USP9X: variants seen among roughly 807,000 people sequenced by gnomAD.
USP9X encodes the protein ubiquitin carboxyl-terminal hydrolase 9X.
USP9X carries 7 observed loss-of-function variants against 190.3 expected under a neutral mutation model. The observed-to-expected ratio is 0.04, with a 90% CI of 0.02 to 0.07. USP9X has a LOEUF of 0.07. Among genes scored for constraint, USP9X ranks in the 10% least tolerant of loss-of-function variants. USP9X has a pLI of 1.00. For missense variants in USP9X, 1,010 were observed against 1,916.9 expected, an observed-to-expected ratio of 0.53 and a Z score of 8.83; for synonymous variants, 645 against 659.5, an observed-to-expected ratio of 0.98 and a Z score of 0.34.
intron 12 of USP9X, among the ~76,000 whole-genome samples, chrX:41,150,245 A>G (rs1372487382): frequency 1.8e-5 from 2 of 111,528 alleles, no homozygotes; most frequent in Admixed American, 9.5e-5. Context: ...TAGGCACACA[A>G]ACTTGCAGTT....
intron 1 of USP9X, among the ~76,000 whole-genome samples, chrX:41,096,085 G>A (rs938167265): frequency 2.7e-5 from 3 of 112,044 alleles, no homozygotes; most frequent in Non-Finnish European, 3.8e-5. Context: ...GCTGCTGTCT[G>A]TTGAGGTCTG....
At chrX:41,140,419 T>TA (rs1274137129) in intron 6 of USP9X, among the ~76,000 whole-genome samples, 1 of 111,546 alleles carries the variant, frequency 9.0e-6, no homozygotes, top group Non-Finnish European at 1.9e-5. Flanking sequence ...GTTCACCACT[T>TA]ACATTGGTAC....
At chrX:41,155,571 C>T (rs1430032535) in intron 14 of USP9X, among the ~76,000 whole-genome samples, 4 of 111,487 alleles carry the variant, frequency 3.6e-5, no homozygotes, top group Admixed American at 9.5e-5. Context: ...TACTTCTTCC[C>T]GGTCTTTTCC....
At chrX:41,173,190 G>T (rs1311108076) in intron 21 of USP9X, among the ~76,000 whole-genome samples, 1 of 111,045 alleles carries the variant, frequency 9.0e-6, no homozygotes, top group Non-Finnish European at 1.9e-5. Context: ...CAGCTCTTCT[G>T]TTGGCTTTTC....
chrX:41,127,815 G>A (rs2062269466), intron 2 of USP9X, among the ~76,000 whole-genome samples: 1 of 112,438 alleles, frequency 8.9e-6, no homozygotes, highest in South Asian at 3.6e-4. Context: ...TGTTAAATAG[G>A]TGCTTGAATG....
chrX:41,190,133 C>T (rs1276077140), intron 26 of USP9X, among the ~76,000 whole-genome samples: 1 of 112,180 alleles, frequency 8.9e-6, no homozygotes, highest in Non-Finnish European at 1.9e-5. Flanking sequence ...TGAAAAGACA[C>T]AGAAAATGTT....
chrX:41,163,517 C>G (rs775635580), intron 15 of USP9X, among the ~76,000 whole-genome samples: 1 of 110,248 alleles, frequency 9.1e-6, no homozygotes, highest in South Asian at 3.9e-4. Context: ...TTGGGGAGGC[C>G]AAGGCAAGTG....
chrX:41,200,270 T>C (rs1482263416), intron 30 of USP9X, among the ~76,000 whole-genome samples: 1 of 111,521 alleles, frequency 9.0e-6, no homozygotes, highest in Admixed American at 9.5e-5. Flanking sequence ...TGGAGTATAG[T>C]ACAACGTTGT....
intron 1 of USP9X, among the ~76,000 whole-genome samples, chrX:41,116,997 T>C (rs1417115375): frequency 1.8e-5 from 2 of 111,719 alleles, no homozygotes; most frequent in Non-Finnish European, 3.8e-5. Context: ...CAAATTCTTA[T>C]GTGGTAGTAG....
intron 21 of USP9X, among the ~76,000 whole-genome samples, chrX:41,175,028 T>C (rs1288306872): frequency 8.9e-6 from 1 of 112,062 alleles, no homozygotes; most frequent in Non-Finnish European, 1.9e-5. Flanking sequence ...AAAATATTTA[T>C]ACTGTTCCTC....
chrX:41,106,887 C>CTTTTTTTTTTTTTT (rs60809399), intron 1 of USP9X, among the ~76,000 whole-genome samples: 3 of 79,972 alleles, frequency 3.8e-5, no homozygotes, highest in Non-Finnish European at 7.5e-5. Flanking sequence ...CTTTTCTTTT[C>CTTTTTTTTTTTTTT]TTTTTTTTTT....
intron 14 of USP9X, among the ~76,000 whole-genome samples, chrX:41,162,181 C>T (rs1381124132): frequency 1.8e-5 from 2 of 111,659 alleles, no homozygotes; most frequent in East Asian, 5.6e-4. Flanking sequence ...AAAGAGCTTA[C>T]ATAATTAGAA....
chrX:41,170,551 C>T lies in USP9X; in HGVS notation c.2959C>T (p.Pro987Ser). 1.7e-6 allele frequency: 2 copies of T among 1,211,501 alleles called. No homozygotes were observed. Among genetic ancestry groups the T allele is most frequent in the Non-Finnish European group, 1.1e-6 (1 of 895,307 alleles). The change falls in exon 20 of 45, where the codon CCT becomes TCT. Residue 987 changes from proline (P) to serine (S), a missense_variant. Pro to Ser is a moderately conservative substitution (Grantham distance 74). Coordinates refer to ENST00000378308, the MANE Select transcript of USP9X (RefSeq NM_001039591.3). ...DSSSDSSTGS[P>S]GNHGNHYSDG... is the part of the protein sequence containing the mutation. Reference sequence around the variant, plus strand: ...CTCTTCTGATTCCTCCACTGGATCTCCTGGAAACCATGGTAATCATTACAG... The same window carrying T: ...CTCTTCTGATTCCTCCACTGGATCTTCTGGAAACCATGGTAATCATTACAG...
chrX:41,146,252 T>A (rs932996191), intron 11 of USP9X, among the ~76,000 whole-genome samples: 1 of 112,322 alleles, frequency 8.9e-6, no homozygotes, highest in East Asian at 2.8e-4. Context: ...CCCTTTGGCT[T>A]AACATATGTT....
intron 30 of USP9X, 143 bp from the exon 31 acceptor site, chrX:41,200,917 A>G: frequency 1.8e-6 from 1 of 570,423 alleles, no homozygotes; most frequent in Non-Finnish European, 2.8e-6. Context: ...TGAAGTGCAA[A>G]CTCAGAACAC....
chrX:41,098,263 C>A (rs772786527), intron 1 of USP9X, among the ~76,000 whole-genome samples: 2 of 108,682 alleles, frequency 1.8e-5, no homozygotes, highest in East Asian at 5.8e-4. Context: ...GCCTCAGCCT[C>A]CCGAGTAGCT....
chrX:41,126,657 G>A (rs747182133), intron 2 of USP9X, among the ~76,000 whole-genome samples: 17 of 111,443 alleles, frequency 1.5e-4, no homozygotes, highest in Admixed American at 2.9e-4. Context: ...CATTTTTAAA[G>A]ATGACTGGTA....
chrX:41,187,629 G>A (rs2062893129), intron 24 of USP9X, among the ~76,000 whole-genome samples: 1 of 111,996 alleles, frequency 8.9e-6, no homozygotes, highest in Admixed American at 9.5e-5. Flanking sequence ...AACTTGGGGA[G>A]CGTACTTTGT....
At chrX:41,115,247 A>AG (rs202171862) in intron 1 of USP9X, among the ~76,000 whole-genome samples, 10 of 108,234 alleles carry the variant, frequency 9.2e-5, no homozygotes, top group South Asian at 3.9e-4. Flanking sequence ...AAAAAGAAAA[A>AG]AAAAAAAAGT....
Sources: gnomAD v4.1 joint callset for allele counts (sites outside exome capture counted in the v4.1 genomes callset) on GRCh38, gnomAD v4.1.1 for gene constraint, MANE v1.5 for transcripts, NCBI Gene and HGNC (gene_info 2026-07-23, HGNC 2026-07-21) for gene names.